The following NEXMIF variants were observed in gnomAD, a reference collection of about 807,000 sequenced individuals.
NEXMIF encodes the protein neurite extension and migration factor.
In NEXMIF, 8 loss-of-function variants were observed where a neutral mutation model predicts 62.1. The ratio of observed to expected loss-of-function variants is 0.13; its 90% CI spans 0.08 to 0.23. The LOEUF (loss-of-function observed/expected upper bound fraction) is 0.23. Among genes scored for constraint, NEXMIF ranks in the 10% least tolerant of loss-of-function variants. The pLI, the probability that NEXMIF is intolerant of heterozygous loss-of-function variation, is 1.00. For missense variants in NEXMIF, 976 were observed against 1,113.3 expected, an observed-to-expected ratio of 0.88 and a Z score of 1.75; for synonymous variants, 404 against 416.6, an observed-to-expected ratio of 0.97 and a Z score of 0.37.
Position 74,876,129 on chromosome X carries a change from G to A in NEXMIF, c.-48+48754C>T, listed in dbSNP as rs1460745058. 7.2e-5 allele frequency among the ~76,000 whole-genome samples: 8 copies of A among 110,893 alleles called. No individual in the cohort carries two copies. In the South Asian group the frequency reaches 1.6e-3, roughly 22 times the overall value. On this transcript the variant is annotated intron_variant, in intron 1 of 3. Transcript: ENST00000055682. ...TCCTGCTTTCTCTTGTGGGCATTTA[G>A]TGCTATAAATTTCCCTCCACACACT...
Position 74,742,151 on chromosome X carries a change from A to T in NEXMIF, c.2406T>A (p.Asn802Lys), listed in dbSNP as rs1307046706. 1 of 1,211,870 alleles carries T rather than the reference A, an allele frequency of 8.3e-7. No individual in the cohort carries two copies. Among genetic ancestry groups the T allele is most frequent in the Non-Finnish European group, 1.1e-6 (1 of 895,390 alleles). ...GGATAACAGGTATATTAGTGGTAAC[A>T]TTAGCAGATGATAAAGGCATTTCAG... is the stretch of plus-strand genomic sequence containing the variant. ...CSSEMPLSSA[N>K]VTTNIPVIPG... Residue 802 changes from asparagine to lysine, a missense_variant, in exon 3 of 4, where the codon AAT becomes AAA. Asn to Lys is a moderately conservative substitution (Grantham distance 94). This residue lies in a region of NEXMIF where 639 missense variants were observed against 694.5 expected (regional missense o/e 0.92). Transcript: ENST00000055682.
chrX:74,910,622 T>A, intron 1 of NEXMIF, among the ~76,000 whole-genome samples: 1 of 111,511 alleles, frequency 9.0e-6, no homozygotes, highest in Non-Finnish European at 1.9e-5. Context: ...GAAATGTGAG[T>A]ACATAAGATT....
chrX:74,885,642 G>A (rs1223497588), intron 1 of NEXMIF, among the ~76,000 whole-genome samples: 1 of 111,812 alleles, frequency 8.9e-6, no homozygotes, highest in Non-Finnish European at 1.9e-5. Context: ...ATCTGAAATT[G>A]TGGCAATAAT....
chrX:74,894,549 G>A (rs775032806), intron 1 of NEXMIF, among the ~76,000 whole-genome samples: 6 of 111,069 alleles, frequency 5.4e-5, no homozygotes, highest in Admixed American at 9.6e-5. Context: ...GAAAACTACA[G>A]GCCAATATCT....
chrX:74,741,613 G>A lies in NEXMIF; in HGVS notation c.2944C>T (p.Pro982Ser), dbSNP rs780659739. The change falls in exon 3 of 4, where the codon CCA becomes TCA. Residue 982 changes from proline (P) to serine (S), a missense_variant. Pro to Ser is a moderately conservative substitution (Grantham distance 74, BLOSUM62 -1). Coordinates refer to ENST00000055682, the MANE Select transcript of NEXMIF (RefSeq NM_001008537.3). The part of the protein sequence containing the change: ...GEICFPFQQG[P>S]VNMDDGRLFS... ...AGCCGACCATCATCCATATTGACTG[G>A]CCCCTGCTGGAAAGGAAAGCAGATC... 3 of 1,211,172 alleles carry A rather than the reference G, an allele frequency of 2.5e-6. No homozygotes were observed. The East Asian group carries it at 8.9e-5, about 36-fold the overall frequency.
At chrX:74,825,192 A>C (rs1197956089) in intron 1 of NEXMIF, among the ~76,000 whole-genome samples, 1 of 111,610 alleles carries the variant, frequency 9.0e-6, no homozygotes, top group Non-Finnish European at 1.9e-5. Flanking sequence ...CATTTTTACA[A>C]GTCCTTTTGA....
intron 1 of NEXMIF, among the ~76,000 whole-genome samples, chrX:74,809,611 G>A (rs10126132): frequency 0.01 from 1,146 of 112,031 alleles, 14 homozygotes; most frequent in African/African-American, 0.036. Context: ...GCTAAGCAAA[G>A]ACTTTAGTTT....
intron 1 of NEXMIF, among the ~76,000 whole-genome samples, chrX:74,898,026 G>A (rs1451429821): frequency 8.9e-6 from 1 of 111,844 alleles, no homozygotes; most frequent in Non-Finnish European, 1.9e-5. Context: ...CAGTGCACAA[G>A]AATTCCAAAT....
chrX:74,744,042 C>T lies in NEXMIF; in HGVS notation c.515G>A (p.Arg172Lys). ...AGAGACTGCACACGTTTCATAATCC[C>T]TATTTAGATCACCAACTTTCAGACT... The part of the protein sequence containing the change: ...GISLKVGDLN[R>K]DYETCAVSDI... Residue 172 changes from arginine (R) to lysine (K), a missense_variant, in exon 3 of 4, where the codon AGG becomes AAG. Physicochemically the swap from Arg to Lys is conservative, Grantham distance 26. Coordinates refer to ENST00000055682, the MANE Select transcript of NEXMIF (RefSeq NM_001008537.3). 1 of 1,210,993 alleles carries T rather than the reference C, an allele frequency of 8.3e-7. No homozygotes were observed. The highest frequency in any genetic ancestry group is 1.1e-6 in the Non-Finnish European group (1 of 894,970).
chrX:74,838,488 T>G (rs748726738), intron 1 of NEXMIF, among the ~76,000 whole-genome samples: 1 of 112,451 alleles, frequency 8.9e-6, no homozygotes, highest in East Asian at 2.8e-4. Context: ...TTGATTACCA[T>G]TTTATTATGC....
At chrX:74,884,844 T>C (rs1196990080) in intron 1 of NEXMIF, among the ~76,000 whole-genome samples, 3 of 111,813 alleles carry the variant, frequency 2.7e-5, no homozygotes, top group African/African-American at 9.8e-5. Context: ...AGAATATACA[T>C]TCTTTTCAGC....
rs1446222056 is a variant in NEXMIF, at chrX:74,873,064, T to A, written c.-48+51819A>T. On this transcript the variant is annotated intron_variant, in intron 1 of 3. Transcript: ENST00000055682. ...TGCAGGTTCATTACTTATGTATACA[T>A]GTGCCATGCTGGTGCGCTGCACCCA... Among the ~76,000 whole-genome samples the A allele has an allele frequency of 2.7e-5, 3 of 110,052 alleles. No individual in the cohort carries two copies. In the East Asian group the frequency reaches 8.5e-4, roughly 31 times the overall value.
intron 1 of NEXMIF, among the ~76,000 whole-genome samples, chrX:74,788,265 G>A: frequency 9.0e-6 from 1 of 111,578 alleles, no homozygotes; most frequent in Non-Finnish European, 1.9e-5. Flanking sequence ...TCCTGATCAA[G>A]GTAAACAGAT....
chrX:74,849,974 T>A lies in NEXMIF; in HGVS notation c.-48+74909A>T, dbSNP rs138155323. 3.5e-3 allele frequency among the ~76,000 whole-genome samples: 391 copies of A among 112,118 alleles called. 2 individuals are homozygous for A. The highest frequency in any genetic ancestry group is 0.012 in the African/African-American group (373 of 30,854). ...GTCACTGCTGTTCCCATCCAAGCAT[T>A]CCACTAGAAACTTTGGAATCACCCT... On this transcript the variant is annotated intron_variant, in intron 1 of 3. Coordinates refer to ENST00000055682, the MANE Select transcript of NEXMIF (RefSeq NM_001008537.3).
intron 1 of NEXMIF, among the ~76,000 whole-genome samples, chrX:74,881,415 CACACACACAG>C (rs2080663082): frequency 2.9e-5 from 3 of 103,061 alleles, no homozygotes; most frequent in East Asian, 2.0e-3. Context: ...CACACACACA[CACACACACAG>C]AGCAAATACA....
rs769307144 is a variant in NEXMIF, at chrX:74,882,007, G to A, written c.-48+42876C>T. Among the ~76,000 whole-genome samples, 6 of 111,321 alleles carry A rather than the reference G, an allele frequency of 5.4e-5. No homozygotes were observed. The South Asian group carries it at 2.3e-3, about 42-fold the overall frequency. On this transcript the variant is annotated intron_variant, in intron 1 of 3. Transcript: ENST00000055682. ...GTTCAAACACAAAGTGACCCAGTTG[G>A]GCCCTTCCATGTGTGATTTCCTGCC...
At chrX:74,920,104 A>G (rs2080821490) in intron 1 of NEXMIF, among the ~76,000 whole-genome samples, 1 of 111,781 alleles carries the variant, frequency 8.9e-6, no homozygotes, top group Non-Finnish European at 1.9e-5. Flanking sequence ...ATGTGTCTTT[A>G]TAGCAGCATG....
intron 1 of NEXMIF, among the ~76,000 whole-genome samples, chrX:74,870,992 G>T (rs139603343): frequency 8.9e-6 from 1 of 111,807 alleles, no homozygotes; most frequent in Non-Finnish European, 1.9e-5. Context: ...AAAGGAAAAT[G>T]GTACATCGAA....
At chrX:74,850,971 C>A (rs754664154) in intron 1 of NEXMIF, among the ~76,000 whole-genome samples, 87 of 109,010 alleles carry the variant, frequency 8.0e-4, no homozygotes, top group Admixed American at 2.3e-3. Context: ...ACAAAAAAAT[C>A]AGAAAAACAA....
Sources: gnomAD v4.1 joint callset for allele counts (sites outside exome capture counted in the v4.1 genomes callset) on GRCh38, gnomAD v4.1.1 for gene constraint, gnomAD v4.1.1 regional missense constraint, MANE v1.5 for transcripts, NCBI Gene and HGNC (gene_info 2026-07-23, HGNC 2026-07-21) for gene names.